The following RAD51B variants were observed in gnomAD, a reference collection of about 807,000 sequenced individuals.
RAD51B encodes DNA repair protein RAD51 homolog 2.
RAD51B carries 38 observed loss-of-function variants against 42.2 expected under a neutral mutation model. The ratio of observed to expected loss-of-function variants is 0.90; its 90% CI spans 0.70 to 1.18. RAD51B has a LOEUF of 1.18. Ranked by LOEUF, RAD51B falls within the 50% of genes most tolerant of loss-of-function variation. RAD51B has a pLI of 0.00. For synonymous variants in RAD51B, 154 were observed against 145.2 expected, an observed-to-expected ratio of 1.06 and a Z score of -0.43; for missense variants, 373 against 400.7, an observed-to-expected ratio of 0.93 and a Z score of 0.59.
At chr14:68,276,740 AG>A (rs2081233193) in intron 7 of RAD51B, among the ~76,000 whole-genome samples, 1 of 152,214 alleles carries the variant, frequency 6.6e-6, no homozygotes, top group Admixed American at 6.5e-5. Context: ...GTATGTCAGC[AG>A]GGGCCTTCCC....
intron 8 of RAD51B, among the ~76,000 whole-genome samples, chr14:68,330,809 TAGATA>T (rs1319875253): frequency 2.0e-5 from 3 of 152,198 alleles, no homozygotes; most frequent in African/African-American, 4.8e-5. Context: ...CTTCATTAAC[TAGATA>T]AGATAAGTGA....
intron 8 of RAD51B, among the ~76,000 whole-genome samples, chr14:68,397,247 AT>A (rs2083949965): frequency 6.6e-6 from 1 of 152,212 alleles, no homozygotes; most frequent in African/African-American, 2.4e-5. Context: ...GTTCTGTCTC[AT>A]TTCTGGATAA....
At chr14:68,299,623 G>A (rs1390580860) in intron 8 of RAD51B, among the ~76,000 whole-genome samples, 2 of 152,126 alleles carry the variant, frequency 1.3e-5, no homozygotes, top group East Asian at 1.9e-4. Context: ...GATACTGAGG[G>A]ACAACTGTAT....
exon 11 of RAD51B, chr14:68,595,193 T>TAA: frequency 2.8e-6 from 3 of 1,063,302 alleles, no homozygotes; most frequent in Non-Finnish European, 3.4e-6. Flanking sequence ...GCAGAACACT[T>TAA]ACATGGAAAA....
At chr14:68,075,710 C>T (rs1351551296) in intron 7 of RAD51B, among the ~76,000 whole-genome samples, 1 of 152,020 alleles carries the variant, frequency 6.6e-6, no homozygotes, top group African/African-American at 2.4e-5. Context: ...GAATTTTCAG[C>T]CAGGGGGTGG....
intron 8 of RAD51B, among the ~76,000 whole-genome samples, chr14:68,395,019 C>T (rs996338124): frequency 6.6e-6 from 1 of 152,140 alleles, no homozygotes; most frequent in Non-Finnish European, 1.5e-5. Flanking sequence ...AACATTCAGG[C>T]ATCAATGGGA....
At chr14:67,976,366 TGTTGG>T (rs1423374817) in intron 7 of RAD51B, among the ~76,000 whole-genome samples, 1 of 152,072 alleles carries the variant, frequency 6.6e-6, no homozygotes, top group African/African-American at 2.4e-5. Context: ...GATCCTCTCA[TGTTGG>T]CCTCCCAGCA....
At chr14:68,417,749 T>C (rs955023912) in intron 9 of RAD51B, among the ~76,000 whole-genome samples, 5 of 152,226 alleles carry the variant, frequency 3.3e-5, no homozygotes, top group Non-Finnish European at 7.3e-5. Flanking sequence ...GAGATAAGAA[T>C]ACCTGTATCT....
chr14:68,065,008 AT>A (rs1335005847), intron 7 of RAD51B, among the ~76,000 whole-genome samples: 1 of 152,056 alleles, frequency 6.6e-6, no homozygotes, highest in African/African-American at 2.4e-5. Flanking sequence ...ATTGTGTCTC[AT>A]TGGTGGTGTC....
At chr14:68,453,248 T>C (rs568101431) in intron 9 of RAD51B, among the ~76,000 whole-genome samples, 1 of 152,216 alleles carries the variant, frequency 6.6e-6, no homozygotes, top group Non-Finnish European at 1.5e-5. Flanking sequence ...GATAAACTAA[T>C]AAAGTTAATC....
intron 7 of RAD51B, among the ~76,000 whole-genome samples, chr14:67,997,877 A>C (rs1456462724): frequency 6.6e-6 from 1 of 152,164 alleles, no homozygotes; most frequent in Non-Finnish European, 1.5e-5. Flanking sequence ...TCTGCTATTA[A>C]TCCCATTATT....
At chr14:68,607,540 C>G (rs1891497928) in intron 10 of RAD51B, among the ~76,000 whole-genome samples, 1 of 152,210 alleles carries the variant, frequency 6.6e-6, no homozygotes, top group African/African-American at 2.4e-5. Flanking sequence ...CCGCCCTTTT[C>G]TGTTTACACT....
At chr14:68,370,349 G>A (rs73274194) in intron 8 of RAD51B, among the ~76,000 whole-genome samples, 2 of 152,164 alleles carry the variant, frequency 1.3e-5, no homozygotes, top group Non-Finnish European at 2.9e-5. Context: ...TCTATTTATG[G>A]CACCTAATAA....
chr14:67,891,408 A>C (rs1406175819), intron 7 of RAD51B, among the ~76,000 whole-genome samples: 1 of 152,080 alleles, frequency 6.6e-6, no homozygotes, highest in Non-Finnish European at 1.5e-5. Context: ...ATTGCTTATC[A>C]AGGTTTTTGG....
At chr14:68,411,843 T>C (rs1004396500) in intron 9 of RAD51B, among the ~76,000 whole-genome samples, 1 of 152,202 alleles carries the variant, frequency 6.6e-6, no homozygotes, top group African/African-American at 2.4e-5. Flanking sequence ...ACTTAGATTG[T>C]ATTTGTTGAG....
intron 7 of RAD51B, among the ~76,000 whole-genome samples, chr14:68,200,224 T>C (rs2079454614): frequency 6.6e-6 from 1 of 152,168 alleles, no homozygotes; most frequent in Admixed American, 6.5e-5. Context: ...TCCTTGTCCA[T>C]GAAGGCAATC....
At chr14:68,170,046 G>A (rs926079628) in intron 7 of RAD51B, among the ~76,000 whole-genome samples, 2 of 152,124 alleles carry the variant, frequency 1.3e-5, no homozygotes, top group African/African-American at 4.8e-5. Flanking sequence ...TCTTACTGAG[G>A]GTTGTAATGA....
chr14:68,283,789 C>T (rs1320947038), intron 7 of RAD51B, among the ~76,000 whole-genome samples: 3 of 152,196 alleles, frequency 2.0e-5, no homozygotes, highest in African/African-American at 4.8e-5. Flanking sequence ...CGGTAGCTGC[C>T]GGCCCACAGT....
At chr14:67,890,852 T>C (rs1295996243) in intron 7 of RAD51B, among the ~76,000 whole-genome samples, 1 of 152,170 alleles carries the variant, frequency 6.6e-6, no homozygotes, top group Non-Finnish European at 1.5e-5. Context: ...TGCTTGCTGC[T>C]GAAATTCTTA....
Sources: gnomAD v4.1 joint callset for allele counts (sites outside exome capture counted in the v4.1 genomes callset) on GRCh38, gnomAD v4.1.1 for gene constraint, MANE v1.5 for transcripts, NCBI Gene and HGNC (gene_info 2026-07-23, HGNC 2026-07-21) for gene names.